The following SH3RF3 variants were observed in gnomAD, a reference collection of about 807,000 sequenced individuals.
SH3RF3 encodes the protein SH3 domain containing ring finger 3.
SH3RF3 carries 29 observed loss-of-function variants against 66.3 expected under a neutral mutation model. That is an observed-to-expected ratio of 0.44 (90% CI 0.33 to 0.60). The LOEUF (loss-of-function observed/expected upper bound fraction) is 0.60. SH3RF3 is among the 20% of genes least tolerant of loss of function. The pLI is 0.04. For missense variants in SH3RF3, 1,194 were observed against 1,190.9 expected (o/e 1.00, Z -0.04); for synonymous variants, 583 against 532.0 (o/e 1.10, Z -1.32).
chr2:109,205,410 T>C (rs11681719), intron 1 of SH3RF3, among the ~76,000 whole-genome samples: 1 of 151,874 alleles, frequency 6.6e-6, no homozygotes. Context: ...TAATTTTTTG[T>C]TTTTGTTTTT....
At chr2:109,218,112 A>G (rs1273269587) in intron 1 of SH3RF3, among the ~76,000 whole-genome samples, 1 of 151,702 alleles carries the variant, frequency 6.6e-6, no homozygotes, top group Non-Finnish European at 1.5e-5. Flanking sequence ...TTGGAAACTG[A>G]GTAGAGACAG....
At chr2:109,219,247 C>T (rs1472322490) in intron 1 of SH3RF3, among the ~76,000 whole-genome samples, 3 of 152,130 alleles carry the variant, frequency 2.0e-5, no homozygotes, top group Non-Finnish European at 4.4e-5. Context: ...TCTCAGACTA[C>T]CGTTTTTGCT....
intron 7 of SH3RF3, among the ~76,000 whole-genome samples, chr2:109,444,119 T>C (rs376054543): frequency 2.0e-5 from 3 of 152,170 alleles, no homozygotes; most frequent in East Asian, 3.8e-4. Context: ...TACTCAAATA[T>C]TTGAAAACTA....
rs542213862 is a variant in SH3RF3, at chr2:109,303,118, C to T, written c.574-44556C>T. On this transcript the variant is annotated intron_variant, in intron 1 of 9. Transcript: ENST00000309415. ...CTCCAACTCCTGACCTCAGGTGATC[C>T]GTCCGCCTCAGCCTCACAAGGTGCT... Among the ~76,000 whole-genome samples, 4 of 152,294 alleles carry T rather than the reference C, an allele frequency of 2.6e-5. No individual in the cohort carries two copies. In the East Asian group the frequency reaches 7.7e-4, roughly 29 times the overall value.
At chr2:109,209,563 C>T (rs993338005) in intron 1 of SH3RF3, among the ~76,000 whole-genome samples, 1 of 152,144 alleles carries the variant, frequency 6.6e-6, no homozygotes, top group Non-Finnish European at 1.5e-5. Context: ...TCCTAGCTCT[C>T]ATGGGGAAGA....
chr2:109,290,431 T>C (rs1315427689), intron 1 of SH3RF3, among the ~76,000 whole-genome samples: 2 of 152,200 alleles, frequency 1.3e-5, no homozygotes, highest in Non-Finnish European at 2.9e-5. Flanking sequence ...AACACACACA[T>C]ATATGCATGC....
chr2:109,450,878 A>G (rs1333081182), intron 8 of SH3RF3, among the ~76,000 whole-genome samples: 1 of 152,184 alleles, frequency 6.6e-6, no homozygotes, highest in Non-Finnish European at 1.5e-5. Flanking sequence ...ACATCTTTCC[A>G]TATAAAATTA....
At chr2:109,278,598 A>C (rs1182210050) in intron 1 of SH3RF3, among the ~76,000 whole-genome samples, 1 of 152,226 alleles carries the variant, frequency 6.6e-6, no homozygotes, top group Non-Finnish European at 1.5e-5. Flanking sequence ...GGCATATAGG[A>C]TAAGCACCTG....
intron 2 of SH3RF3, among the ~76,000 whole-genome samples, chr2:109,350,879 G>A (rs905499898): frequency 2.0e-5 from 3 of 152,152 alleles, no homozygotes; most frequent in African/African-American, 7.2e-5. Flanking sequence ...AGGAAAGAAG[G>A]GTCTCTGAAA....
At chr2:109,206,192 G>A (rs547939082) in intron 1 of SH3RF3, among the ~76,000 whole-genome samples, 4 of 152,184 alleles carry the variant, frequency 2.6e-5, no homozygotes, top group East Asian at 1.9e-4. Context: ...AACTATGGTC[G>A]AGATTAGAGG....
intron 4 of SH3RF3, among the ~76,000 whole-genome samples, chr2:109,406,720 T>A (rs1390538042): frequency 1.3e-5 from 2 of 152,234 alleles, no homozygotes; most frequent in Admixed American, 1.3e-4. Context: ...TGTTTATTAC[T>A]GAGCCCATTA....
chr2:109,347,888 C>T lies in SH3RF3; in HGVS notation c.788C>T (p.Ala263Val). 3 of 1,612,508 alleles carry T rather than the reference C, an allele frequency of 1.9e-6. No homozygotes were observed. Among genetic ancestry groups the T allele is most frequent in the Non-Finnish European group, 2.5e-6 (3 of 1,179,304 alleles). ...PLPHAPPQGK[A>V]LYDFEMKDKD... is the part of the protein sequence containing the mutation. ...CCACACGCCCCGCCCCAGGGAAAAG[C>T]ACTTTATGATTTCGAGATGAAGGAC... The change falls in exon 2 of 10, where the codon GCA becomes GTA. Residue 263 changes from alanine to valine, a missense_variant. By Grantham distance (64) the Ala-to-Val change is moderately conservative (BLOSUM62 0). Coordinates refer to ENST00000309415, the MANE Select transcript of SH3RF3 (RefSeq NM_001099289.3).
At chr2:109,139,163 TAAA>T (rs1676881539) in intron 1 of SH3RF3, among the ~76,000 whole-genome samples, 1 of 152,222 alleles carries the variant, frequency 6.6e-6, no homozygotes, top group Non-Finnish European at 1.5e-5. Context: ...CTGCGTAACT[TAAA>T]AATTGCATCC....
chr2:109,419,611 A>T lies in SH3RF3; in HGVS notation c.1372A>T (p.Thr458Ser). Residue 458 changes from threonine (T) to serine (S), a missense_variant, in exon 5 of 10, where the codon ACG becomes TCG. Thr to Ser is a moderately conservative substitution (Grantham distance 58, BLOSUM62 1). Transcript: ENST00000309415. ...TGCCTCGGTGTCTGGAGAGCAGGGC[A>T]CGCCTCCCAAGGTCCAGCTGCCCCT... The part of the protein sequence containing the change: ...RAASVSGEQG[T>S]PPKVQLPLNV... 6.3e-7 allele frequency: 1 copy of T among 1,591,326 alleles called. No homozygotes were observed. Among genetic ancestry groups the T allele is most frequent in the East Asian group, 2.3e-5 (1 of 43,918 alleles).
intron 9 of SH3RF3, 53 bp downstream of exon 9, chr2:109,490,989 G>A (rs931349598): frequency 7.2e-7 from 1 of 1,388,614 alleles, no homozygotes; most frequent in Non-Finnish European, 9.4e-7. Flanking sequence ...GGCCTCTGAG[G>A]TCTGGAGCCA....
intron 7 of SH3RF3, among the ~76,000 whole-genome samples, chr2:109,439,789 CAG>C (rs776584769): frequency 1.4e-4 from 21 of 151,828 alleles, no homozygotes; most frequent in Non-Finnish European, 2.2e-4. Flanking sequence ...GGTCTGGAAA[CAG>C]AGGAAAACCA....
intron 3 of SH3RF3, among the ~76,000 whole-genome samples, chr2:109,381,864 A>G (rs751936011): frequency 6.6e-6 from 1 of 152,098 alleles, no homozygotes; most frequent in Non-Finnish European, 1.5e-5. Context: ...AAAGCTGTGC[A>G]TGTTTATAAG....
chr2:109,275,957 C>T (rs150824698), intron 1 of SH3RF3, among the ~76,000 whole-genome samples: 3 of 152,124 alleles, frequency 2.0e-5, no homozygotes, highest in Admixed American at 1.3e-4. Flanking sequence ...TTATAGCCCA[C>T]GTCATGTGCA....
intron 1 of SH3RF3, among the ~76,000 whole-genome samples, chr2:109,318,888 C>T (rs1681951238): frequency 6.6e-6 from 1 of 152,250 alleles, no homozygotes; most frequent in Non-Finnish European, 1.5e-5. Flanking sequence ...GCTGGAATTC[C>T]TTGCCTCTGG....
Sources: allele counts gnomAD v4.1 joint callset (sites outside exome capture counted in the v4.1 genomes callset), GRCh38; gene constraint gnomAD v4.1.1; transcripts MANE v1.5; gene names NCBI Gene and HGNC (gene_info 2026-07-23, HGNC 2026-07-21).